The following MAGI1 variants were observed in gnomAD, a reference collection of about 807,000 sequenced individuals.
The protein encoded by MAGI1 is membrane-associated guanylate kinase, WW and PDZ domain-containing protein 1.
MAGI1 carries 58 observed loss-of-function variants against 139.9 expected under a neutral mutation model. That is an observed-to-expected ratio of 0.41 (90% CI 0.34 to 0.52). The LOEUF (loss-of-function observed/expected upper bound fraction) is 0.52, where lower values mean the gene tolerates loss of function less well. MAGI1 is among the 20% of genes least tolerant of loss of function. The pLI is 0.12. For synonymous variants in MAGI1, 812 were observed against 737.9 expected (o/e 1.10, Z -1.63); for missense variants, 1,874 against 1,901.6 (o/e 0.99, Z 0.27).
At chr3:66,007,534 A>G (rs1331556847) in intron 1 of MAGI1, among the ~76,000 whole-genome samples, 1 of 152,236 alleles carries the variant, frequency 6.6e-6, no homozygotes, top group East Asian at 1.9e-4. Flanking sequence ...GAAACTCAAG[A>G]GCATAAATGT....
chr3:65,726,736 G>T (rs2033650611), intron 1 of MAGI1, among the ~76,000 whole-genome samples: 1 of 151,972 alleles, frequency 6.6e-6, no homozygotes, highest in Admixed American at 6.6e-5. Flanking sequence ...TCAGCTCTTG[G>T]GGGCCTGGGT....
At chr3:65,419,871 G>A (rs1360939886) in intron 12 of MAGI1, among the ~76,000 whole-genome samples, 8 of 152,240 alleles carry the variant, frequency 5.3e-5, no homozygotes, top group Admixed American at 1.3e-4. Context: ...GACAGAGACT[G>A]TAGGGCCCAC....
At chr3:65,534,102 T>G (rs2078839638) in intron 2 of MAGI1, among the ~76,000 whole-genome samples, 1 of 152,140 alleles carries the variant, frequency 6.6e-6, no homozygotes, top group South Asian at 2.1e-4. Flanking sequence ...TTCCTGACCC[T>G]TAGAAACCTG....
chr3:65,549,997 A>AT (rs1303612541), intron 2 of MAGI1, among the ~76,000 whole-genome samples: 1 of 152,188 alleles, frequency 6.6e-6, no homozygotes, highest in Non-Finnish European at 1.5e-5. Flanking sequence ...GGTACAGAAC[A>AT]TTTTAAAAGC....
At chr3:65,672,222 A>G (rs1434656873) in intron 1 of MAGI1, among the ~76,000 whole-genome samples, 2 of 152,178 alleles carry the variant, frequency 1.3e-5, no homozygotes, top group African/African-American at 4.8e-5. Context: ...CAAAATGCAA[A>G]AGAAAAAAGT....
At chr3:65,889,226 T>C (rs1010175094) in intron 1 of MAGI1, among the ~76,000 whole-genome samples, 2 of 152,212 alleles carry the variant, frequency 1.3e-5, no homozygotes, top group African/African-American at 4.8e-5. Flanking sequence ...CAGAGTGAGA[T>C]GGCTGAATTA....
intron 1 of MAGI1, among the ~76,000 whole-genome samples, chr3:65,778,118 A>C (rs1053980583): frequency 2.0e-5 from 3 of 152,168 alleles, no homozygotes; most frequent in African/African-American, 7.2e-5. Context: ...TAACTTAATG[A>C]AGAAAATATT....
At chr3:65,468,579 G>T (rs1361037253) in intron 5 of MAGI1, among the ~76,000 whole-genome samples, 2 of 151,768 alleles carry the variant, frequency 1.3e-5, no homozygotes, top group Non-Finnish European at 2.9e-5. Context: ...GTTTCGCCAT[G>T]TTGGCCAGGC....
intron 1 of MAGI1, among the ~76,000 whole-genome samples, chr3:65,981,210 A>T (rs2107273341): frequency 6.6e-6 from 1 of 152,040 alleles, no homozygotes; most frequent in East Asian, 1.9e-4. Context: ...CACACTAGCC[A>T]CATTTATTTC....
Position 65,789,714 on chromosome 3 carries a change from G to C in MAGI1, c.314-167626C>G, listed in dbSNP as rs72894109. On this transcript the variant is annotated intron_variant, in intron 1 of 22. Coordinates refer to ENST00000402939, the MANE Select transcript of MAGI1 (RefSeq NM_001033057.2). The stretch of plus-strand genomic sequence containing the variant: ...TTTAGCCGGGATCTCCCTCGCCCAC[G>C]GCCCTATGGCTGCAATTAGGGACCT... 8.5e-3 allele frequency among the ~76,000 whole-genome samples: 1,288 copies of C among 152,180 alleles called. 16 individuals are homozygous for C. Among genetic ancestry groups the C allele is most frequent in the African/African-American group, 0.03 (1,233 of 41,528 alleles).
chr3:65,923,041 G>C (rs551671057), intron 1 of MAGI1, among the ~76,000 whole-genome samples: 1 of 152,230 alleles, frequency 6.6e-6, no homozygotes, highest in African/African-American at 2.4e-5. Context: ...GGGCTTAGAA[G>C]TGCTTAGATA....
chr3:65,796,226 GTCTTTTAAGGCTATTT>G (rs1559891063), intron 1 of MAGI1, among the ~76,000 whole-genome samples: 1 of 152,066 alleles, frequency 6.6e-6, no homozygotes. Context: ...TATTTTCTTT[GTCTTTTAAGGCTATTT>G]TCTTTTAAGT....
In MAGI1 at chr3:66,007,357, A is replaced by T. The variant is rs1457323787; in HGVS notation, c.313+30639T>A. Among the ~76,000 whole-genome samples, 2 of 152,204 alleles carry T rather than the reference A, an allele frequency of 1.3e-5. 1 individual carries two copies. The highest frequency in any genetic ancestry group is 4.8e-5 in the African/African-American group (2 of 41,448). On this transcript the variant is annotated intron_variant, in intron 1 of 22. Transcript: ENST00000402939. ...TTTCCTATATCATTAACAGGTAAGA[A>T]TCAAGTTGTAAACAGAAGAATTAGG...
In MAGI1 at chr3:65,967,704, G is replaced by C. The variant is rs181524197; in HGVS notation, c.313+70292C>G. Among the ~76,000 whole-genome samples, 1,339 of 150,154 alleles carry C rather than the reference G, an allele frequency of 8.9e-3. 21 individuals are homozygous for C. The highest frequency in any genetic ancestry group is 0.031 in the African/African-American group (1,264 of 41,098). ...AAACAAATATGGCTTCTCCTACAAA[G>C]ACAAAGAATGCAGTGGTCCAACCAG... On this transcript the variant is annotated intron_variant, in intron 1 of 22. Coordinates refer to ENST00000402939, the MANE Select transcript of MAGI1 (RefSeq NM_001033057.2).
intron 13 of MAGI1, among the ~76,000 whole-genome samples, chr3:65,397,047 A>T (rs890850228): frequency 5.9e-5 from 9 of 152,222 alleles, no homozygotes; most frequent in African/African-American, 2.2e-4. Context: ...GGGAGTTGCC[A>T]CGGGAAGTGA....
At chr3:65,357,276 T>C (rs1940267088) in intron 22 of MAGI1, 144 bp from the exon 23 acceptor site, 1 of 835,778 alleles carries the variant, frequency 1.2e-6, no homozygotes, top group East Asian at 2.7e-5. Flanking sequence ...ACTGAATCTG[T>C]TAACTTAAGG....
rs1161709374 is a variant in MAGI1, at chr3:65,699,892, T to A, written c.314-77804A>T. Among the ~76,000 whole-genome samples the A allele has an allele frequency of 6.0e-5, 9 of 149,534 alleles. No individual in the cohort carries two copies. In the South Asian group the frequency reaches 8.5e-4, roughly 14 times the overall value. On this transcript the variant is annotated intron_variant, in intron 1 of 22. Transcript: ENST00000402939. ...TAAAGTATAATAAAAAAATAAAAAT[T>A]AAAAAAATAAAAAAAAAAAGAAATG...
intron 2 of MAGI1, among the ~76,000 whole-genome samples, chr3:65,521,905 A>G (rs867674061): frequency 2.9e-4 from 44 of 152,184 alleles, no homozygotes; most frequent in African/African-American, 7.5e-4. Flanking sequence ...ATGGGACTTA[A>G]TGTATCTGGG....
At chr3:65,537,778 C>T (rs1248777928) in intron 2 of MAGI1, among the ~76,000 whole-genome samples, 3 of 152,080 alleles carry the variant, frequency 2.0e-5, no homozygotes, top group African/African-American at 7.2e-5. Context: ...TGTTCCCCAA[C>T]CCCCTGAAAA....
Sources: gnomAD v4.1 joint callset for allele counts (sites outside exome capture counted in the v4.1 genomes callset) on GRCh38, gnomAD v4.1.1 for gene constraint, MANE v1.5 for transcripts, NCBI Gene and HGNC (gene_info 2026-07-23, HGNC 2026-07-21) for gene names.